The following TFR2 variants were observed in gnomAD, a reference collection of about 807,000 sequenced individuals.
TFR2 encodes the protein transferrin receptor protein 2.
Under a neutral mutation model 91.9 loss-of-function variants are expected in TFR2, and 64 were observed. The observed-to-expected ratio is 0.70, with a 90% CI of 0.57 to 0.86. TFR2 has a LOEUF of 0.86. Ranked by LOEUF, TFR2 falls within the 40% of genes least tolerant of loss-of-function variation. The probability of loss-of-function intolerance (pLI) is 0.00; values close to 1 mark genes in which losing one functional copy is unlikely to be tolerated. For synonymous variants in TFR2, 454 were observed against 459.6 expected, an observed-to-expected ratio of 0.99 and a Z score of 0.15; for missense variants, 950 against 1,080.5, an observed-to-expected ratio of 0.88 and a Z score of 1.69.
intron 17 of TFR2, 64 bp from the exon 18 acceptor site, chr7:100,621,190 AC>A: frequency 7.0e-7 from 1 of 1,420,738 alleles, no homozygotes; most frequent in Non-Finnish European, 9.3e-7. Context: ...GGCCCGAGTC[AC>A]CCTTCCCGCC....
chr7:100,641,332 G>A, intron 1 of TFR2, 104 bp from the exon 2 acceptor site: 5 of 1,440,724 alleles, frequency 3.5e-6, no homozygotes, highest in Non-Finnish European at 3.8e-6. Context: ...AATGAGCATG[G>A]TGGTGGGGGC....
At position 100,626,861 on chromosome 7, in the gene TFR2, C is replaced by G. The variant is rs1302587036; in HGVS notation, c.2038G>C (p.Asp680His). ...AGCTTTTCCGCCGCCCGGATGTAGT[C>G]CCCCCGCGCCGAGTACACCCACTGC... ...TLQWVYSARG[D>H]YIRAAEKLRQ... The change falls in exon 17 of 18, where the codon GAC becomes CAC. Residue 680 changes from aspartate (D) to histidine (H), a missense_variant. Asp to His is a moderately conservative substitution (Grantham distance 81). Coordinates refer to ENST00000223051, the MANE Select transcript of TFR2 (RefSeq NM_003227.4). 6.5e-7 allele frequency: 1 copy of G among 1,547,950 alleles called. No homozygotes were observed. Among genetic ancestry groups the G allele is most frequent in the Non-Finnish European group, 8.7e-7 (1 of 1,147,100 alleles).
At chr7:100,637,980 C>T (rs941659236) in intron 3 of TFR2, among the ~76,000 whole-genome samples, 1 of 151,734 alleles carries the variant, frequency 6.6e-6, no homozygotes, top group Non-Finnish European at 1.5e-5. Context: ...TACAGGCATG[C>T]GCCACTACGC....
At position 100,631,006 on chromosome 7, in the gene TFR2, G is replaced by A. The variant is rs999797341; in HGVS notation, c.1153C>T (p.Leu385=). ...GGGCCCAGGTGATAAGGGGAGCCTA[G>A]GAGGCTCCCCTGCCATTCTTGGGGG... ...VAPQEWQGSL[L]GSPYHLGPGP... Residue 385 remains leucine, a synonymous_variant, in exon 9 of 18, where the codon CTA becomes TTA. Transcript: ENST00000223051. 5 of 1,545,520 alleles carry A rather than the reference G, an allele frequency of 3.2e-6. No individual in the cohort carries two copies. Among genetic ancestry groups the A allele is most frequent in the African/African-American group, 1.4e-5 (1 of 73,440 alleles).
chr7:100,640,649 G>A (rs754593210), intron 3 of TFR2, 37 bp downstream of exon 3: 1 of 1,603,050 alleles, frequency 6.2e-7, no homozygotes, highest in South Asian at 1.1e-5. Flanking sequence ...TGAGGGGAGG[G>A]ACACTCGAGA....
Position 100,620,999 on chromosome 7 carries a change from C to T in TFR2, c.2264G>A (p.Ser755Asn), listed in dbSNP as rs1562834926. 16 of 1,608,534 alleles carry T rather than the reference C, an allele frequency of 9.9e-6. No homozygotes were observed. Among genetic ancestry groups the T allele is most frequent in the Non-Finnish European group, 1.4e-5 (16 of 1,177,828 alleles). The change falls in exon 18 of 18, where the codon AGC becomes AAC. Residue 755 changes from serine (S) to asparagine (N), a missense_variant. Ser to Asn is a conservative substitution (Grantham distance 46). Coordinates refer to ENST00000223051, the MANE Select transcript of TFR2 (RefSeq NM_003227.4). Reference sequence around the variant, plus strand: ...GGAGGTGGCCCCGGGGGTCCCGGAGCTGTTGGAGCGCAGCAGCCGCAGGTG... The same window carrying T: ...GGAGGTGGCCCCGGGGGTCCCGGAGTTGTTGGAGCGCAGCAGCCGCAGGTG... The part of the protein sequence containing the change: ...LDHLRLLRSN[S>N]SGTPGATSST...
chr7:100,631,636 A>G, intron 8 of TFR2, 170 bp downstream of exon 8: 2 of 800,062 alleles, frequency 2.5e-6, no homozygotes, highest in Non-Finnish European at 1.8e-6. Context: ...AAAAAAAAAA[A>G]GGTCAGGGTC....
chr7:100,623,734 A>G (rs940393964), intron 17 of TFR2, among the ~76,000 whole-genome samples: 1 of 151,864 alleles, frequency 6.6e-6, no homozygotes. Context: ...TCTGGGCAAC[A>G]CAGTGAGACC....
intron 17 of TFR2, among the ~76,000 whole-genome samples, chr7:100,625,965 A>G (rs1803239574): frequency 6.6e-6 from 1 of 152,164 alleles, no homozygotes; most frequent in African/African-American, 2.4e-5. Context: ...ATGAGCCTCC[A>G]AGGGGTAGCC....
chr7:100,632,516 T>C (rs1393266753), intron 6 of TFR2, among the ~76,000 whole-genome samples: 4 of 150,048 alleles, frequency 2.7e-5, no homozygotes, highest in African/African-American at 4.9e-5. Flanking sequence ...CTTCCTTCCT[T>C]CCTCCCTCCC....
At chr7:100,633,580 T>C in intron 3 of TFR2, 24 bp from the exon 4 acceptor site, 1 of 1,588,634 alleles carries the variant, frequency 6.3e-7, no homozygotes, top group Non-Finnish European at 8.5e-7. Context: ...GGTGGGGACT[T>C]TTCTGGGCGC....
intron 12 of TFR2, 39 bp downstream of exon 12, chr7:100,628,034 G>T: frequency 1.2e-6 from 2 of 1,614,032 alleles, no homozygotes; most frequent in Non-Finnish European, 1.7e-6. Flanking sequence ...GGCAAGGGTG[G>T]ACCCCAGGGG....
rs370714327 is a variant in TFR2 at position 100,641,481 on chromosome 7, C to G, written c.29G>C (p.Arg10Thr). Residue 10 changes from arginine to threonine, a missense_variant, in exon 1 of 18, where the codon AGA becomes ACA. Coordinates refer to ENST00000223051, the MANE Select transcript of TFR2 (RefSeq NM_003227.4). The part of the protein sequence containing the change: MERLWGLFQ[R>T]AQQLSPRSSQ... Reference sequence around the variant, plus strand: ...TCCCAATCCCACTAGTCTTACCGCTCTCTGGAATAGACCCCAAAGCCGCTC... The same window carrying G: ...TCCCAATCCCACTAGTCTTACCGCTGTCTGGAATAGACCCCAAAGCCGCTC... The G allele has an allele frequency of 2.9e-5, 47 of 1,613,830 alleles. No homozygotes were observed. Among genetic ancestry groups the G allele is most frequent in the Non-Finnish European group, 3.5e-5 (41 of 1,179,948 alleles).
chr7:100,635,975 T>C (rs1053349002), intron 3 of TFR2, among the ~76,000 whole-genome samples: 20 of 152,256 alleles, frequency 1.3e-4, no homozygotes, highest in South Asian at 4.1e-4. Context: ...AGTTTAGTAT[T>C]GGTTTTCTCC....
rs115846763 is a variant in TFR2 at position 100,639,440 on chromosome 7, A to G, written c.473+1246T>C. 8.0e-3 allele frequency among the ~76,000 whole-genome samples: 1,211 copies of G among 152,322 alleles called. 26 individuals carry two copies. Among genetic ancestry groups the G allele is most frequent in the African/African-American group, 0.027 (1,143 of 41,570 alleles). On this transcript the variant is annotated intron_variant, in intron 3 of 17. Coordinates refer to ENST00000223051, the MANE Select transcript of TFR2 (RefSeq NM_003227.4). ...GAAACTTCCTTAATTCAATTTTAAA[A>G]AGCTGTCTGGAGCACAGCAAAGTTC...
chr7:100,627,748 C>T lies in TFR2; in HGVS notation c.1678G>A (p.Glu560Lys), dbSNP rs751623769. Reference protein sequence around the residue: ...VVFTNPSWDAEVIRPLPMDSS... With the variant: ...VVFTNPSWDAKVIRPLPMDSS... ...CTCCCTACCCCCCCAACTTACACCTCAGCATCCCAGCTGGGATTGGTGAAC... is the reference window on the plus strand; with the variant it reads ...CTCCCTACCCCCCCAACTTACACCTTAGCATCCCAGCTGGGATTGGTGAAC... Residue 560 changes from glutamate to lysine, a missense_variant, in exon 14 of 18, where the codon GAG (glutamate) becomes AAG (lysine). Coordinates refer to ENST00000223051, the MANE Select transcript of TFR2 (RefSeq NM_003227.4). 3.7e-6 allele frequency: 6 copies of T among 1,613,826 alleles called. No individual in the cohort carries two copies. Among genetic ancestry groups the T allele is most frequent in the South Asian group, 1.1e-5 (1 of 91,078 alleles).
chr7:100,638,363 G>A (rs563102313), intron 3 of TFR2, among the ~76,000 whole-genome samples: 1 of 152,068 alleles, frequency 6.6e-6, no homozygotes, highest in South Asian at 2.1e-4. Flanking sequence ...TATAATCCCA[G>A]CATTTTGGGA....
rs377108556 is a variant in TFR2, at chr7:100,627,992, G to C, written c.1538-18C>G. ...GTCATCCCCTGGAAAAAGGGGAGGG[G>C]AGGGATGCCAGGCTCAGGGCTCAGC... is the stretch of plus-strand genomic sequence containing the variant. On this transcript the variant is annotated intron_variant, in intron 12 of 17. Coordinates refer to ENST00000223051, the MANE Select transcript of TFR2 (RefSeq NM_003227.4). 6.2e-7 allele frequency: 1 copy of C among 1,613,996 alleles called. No homozygotes were observed. The highest frequency in any genetic ancestry group is 1.3e-5 in the African/African-American group (1 of 74,914).
At chr7:100,635,793 ATC>A (rs897155715) in intron 3 of TFR2, among the ~76,000 whole-genome samples, 2 of 151,456 alleles carry the variant, frequency 1.3e-5, no homozygotes, top group African/African-American at 4.9e-5. Flanking sequence ...AAGAGACAGG[ATC>A]TCTCTATGTT....
Sources: gnomAD v4.1 joint callset for allele counts (sites outside exome capture counted in the v4.1 genomes callset) on GRCh38, gnomAD v4.1.1 for gene constraint, MANE v1.5 for transcripts, NCBI Gene and HGNC (gene_info 2026-07-23, HGNC 2026-07-21) for gene names.